The following CDK14 variants were observed in gnomAD, a reference collection of about 807,000 sequenced individuals.
CDK14 encodes cyclin-dependent kinase 14.
In CDK14, 34 loss-of-function variants were observed where a neutral mutation model predicts 60.7. The ratio of observed to expected loss-of-function variants is 0.56; its 90% CI spans 0.43 to 0.75. The LOEUF is 0.75. Ranked by LOEUF, CDK14 falls within the 30% of genes least tolerant of loss-of-function variation. The pLI, the probability that CDK14 is intolerant of heterozygous loss-of-function variation, is 0.00. For synonymous variants in CDK14, 197 were observed against 203.7 expected (o/e 0.97, Z 0.28); for missense variants, 482 against 564.1 (o/e 0.85, Z 1.47).
chr7:90,777,656 C>T (rs1293314685), intron 4 of CDK14, among the ~76,000 whole-genome samples: 1 of 152,142 alleles, frequency 6.6e-6, no homozygotes, highest in African/African-American at 2.4e-5. Context: ...AAAAGCTCGG[C>T]CCATCCCTCT....
At chr7:90,973,334 C>T (rs765652785) in intron 9 of CDK14, among the ~76,000 whole-genome samples, 4 of 152,054 alleles carry the variant, frequency 2.6e-5, no homozygotes, top group Non-Finnish European at 2.9e-5. Context: ...GCACATATGG[C>T]AGTGCACGGG....
At chr7:90,791,854 G>C (rs1805843842) in intron 5 of CDK14, among the ~76,000 whole-genome samples, 1 of 151,266 alleles carries the variant, frequency 6.6e-6, no homozygotes, top group Non-Finnish European at 1.5e-5. Flanking sequence ...TTTCTCTTAG[G>C]CTGACCTTTT....
chr7:90,898,720 A>G (rs1325619587), intron 6 of CDK14, among the ~76,000 whole-genome samples: 1 of 152,072 alleles, frequency 6.6e-6, no homozygotes, highest in Non-Finnish European at 1.5e-5. Flanking sequence ...ATATCTGGAT[A>G]TATTTATCTT....
intron 6 of CDK14, among the ~76,000 whole-genome samples, chr7:90,890,856 A>T (rs1337940253): frequency 6.6e-6 from 1 of 152,258 alleles, no homozygotes; most frequent in Non-Finnish European, 1.5e-5. Flanking sequence ...CCAATAAATT[A>T]CATGACTGTA....
chr7:90,610,389 A>T (rs914386839), intron 2 of CDK14, among the ~76,000 whole-genome samples: 1 of 152,050 alleles, frequency 6.6e-6, no homozygotes, highest in African/African-American at 2.4e-5. Context: ...ACCATCTTGC[A>T]TTTGTGTCCT....
At chr7:90,932,318 A>G (rs1369432271) in intron 8 of CDK14, among the ~76,000 whole-genome samples, 1 of 152,236 alleles carries the variant, frequency 6.6e-6, no homozygotes, top group African/African-American at 2.4e-5. Flanking sequence ...CAGCCTGGCC[A>G]GCATAGTGAG....
intron 5 of CDK14, among the ~76,000 whole-genome samples, chr7:90,849,467 C>G (rs998906261): frequency 1.3e-5 from 2 of 151,958 alleles, no homozygotes; most frequent in African/African-American, 4.8e-5. Flanking sequence ...TTTATCTTAT[C>G]TTGGACAAAG....
At chr7:91,135,641 T>C (rs951360928) in intron 14 of CDK14, among the ~76,000 whole-genome samples, 7 of 152,180 alleles carry the variant, frequency 4.6e-5, no homozygotes, top group Non-Finnish European at 2.9e-5. Flanking sequence ...GGAAATCAGC[T>C]GAAGGGGCCT....
chr7:90,651,376 G>A (rs1430725774), intron 2 of CDK14, among the ~76,000 whole-genome samples: 2 of 151,338 alleles, frequency 1.3e-5, no homozygotes, highest in Admixed American at 6.6e-5. Flanking sequence ...TTCTAATACC[G>A]ATCCCTCCTT....
chr7:90,664,269 C>A (rs1800926452), intron 2 of CDK14, among the ~76,000 whole-genome samples: 2 of 152,174 alleles, frequency 1.3e-5, no homozygotes, highest in Admixed American at 1.3e-4. Flanking sequence ...GAAAGGCAAT[C>A]ATTAAAAAGT....
In CDK14 at chr7:91,000,605, C is replaced by T. The variant is rs145277162; in HGVS notation, c.1041+16364C>T. ...GTACTCTTTATTCCCTCCACATAAC[C>T]CAGGCTGCTCTTTGAGAACTTTTTT... On this transcript the variant is annotated intron_variant, in intron 10 of 14. Coordinates refer to ENST00000380050, the MANE Select transcript of CDK14 (RefSeq NM_001287135.2). Among the ~76,000 whole-genome samples the T allele has an allele frequency of 6.9e-3, 1,054 of 152,288 alleles. 6 individuals carry two copies. The highest frequency in any genetic ancestry group is 0.012 in the Non-Finnish European group (834 of 68,012).
rs1274560769 is a variant in CDK14 at position 91,207,524 on chromosome 7, G to T, written c.*388G>T. The T allele has an allele frequency of 2.6e-5, 4 of 152,614 alleles. No homozygotes were observed. Among genetic ancestry groups the T allele is most frequent in the African/African-American group, 9.7e-5 (4 of 41,426 alleles). 9.5% of individuals were successfully genotyped at this position (152,614 alleles called of 1,614,324 possible). A position where few individuals can be genotyped will look rare whatever the true frequency, so the allele number is the denominator to read the frequency against. ...TAAATACATTAAGACAACACATTTG[G>T]TGTTCACACTTCTTCAGTAATGTCT... On this transcript the variant is annotated 3_prime_UTR_variant, in exon 15 of 15. Transcript: ENST00000380050.
At chr7:91,136,665 T>C (rs1371722097) in intron 14 of CDK14, among the ~76,000 whole-genome samples, 1 of 152,184 alleles carries the variant, frequency 6.6e-6, no homozygotes, top group African/African-American at 2.4e-5. Context: ...AATATGTACG[T>C]ATTTACATAG....
At chr7:90,809,652 A>T (rs909053178) in intron 5 of CDK14, among the ~76,000 whole-genome samples, 13 of 152,226 alleles carry the variant, frequency 8.5e-5, no homozygotes, top group Non-Finnish European at 1.8e-4. Flanking sequence ...TAGAGACACA[A>T]AAAACCCTTC....
rs11353946 is a variant in CDK14 at position 90,799,690 on chromosome 7, CAAAAAAAAAAA to C, written c.544+9055_544+9065del. 7.5e-5 allele frequency among the ~76,000 whole-genome samples: 4 copies of C among 53,562 alleles called. No homozygotes were observed. In the South Asian group the frequency reaches 3.6e-3, roughly 48 times the overall value. The allele number at this position is 53,562 out of a possible 152,430, so 35.1% of individuals were successfully genotyped here. A position where few individuals can be genotyped will look rare whatever the true frequency, so the allele number is the denominator to read the frequency against. ...GGGTGACAAGAGTGAAACTCCATCT[CAAAAAAAAAAA>C]AAAAAAAAAAAAAAAAGCTGAACCT... On this transcript the variant is annotated intron_variant, in intron 5 of 14. Transcript: ENST00000380050.
intron 2 of CDK14, among the ~76,000 whole-genome samples, chr7:90,722,429 C>T (rs1802492115): frequency 1.3e-5 from 2 of 152,152 alleles, no homozygotes; most frequent in African/African-American, 4.8e-5. Context: ...TGGTCTCGAA[C>T]TCCTGAGCTC....
chr7:90,914,564 T>G (rs768815), intron 7 of CDK14, among the ~76,000 whole-genome samples: 150,085 of 152,242 alleles, frequency 0.99, 74,005 homozygotes, highest in East Asian at 1. Context: ...GATTTGTTCT[T>G]ACATTTGTTT....
intron 14 of CDK14, among the ~76,000 whole-genome samples, chr7:91,132,691 G>A (rs948281167): frequency 2.0e-5 from 3 of 152,054 alleles, no homozygotes; most frequent in East Asian, 1.9e-4. Flanking sequence ...TTTGATGTTA[G>A]CAATTTTACC....
intron 5 of CDK14, among the ~76,000 whole-genome samples, chr7:90,848,413 C>T (rs948436826): frequency 2.6e-5 from 4 of 152,164 alleles, no homozygotes; most frequent in Non-Finnish European, 5.9e-5. Context: ...TTTTCTCAGA[C>T]TTTAAACTCT....
Sources: gnomAD v4.1 joint callset for allele counts (sites outside exome capture counted in the v4.1 genomes callset) on GRCh38, gnomAD v4.1.1 for gene constraint, MANE v1.5 for transcripts, NCBI Gene and HGNC (gene_info 2026-07-23, HGNC 2026-07-21) for gene names.